FAM114A2: variants seen among roughly 807,000 people sequenced by gnomAD.
The protein encoded by FAM114A2 is protein FAM114A2.
In FAM114A2, 53 loss-of-function variants were observed where a neutral mutation model predicts 58.4. The observed-to-expected ratio is 0.91, with a 90% CI of 0.73 to 1.14. The LOEUF is 1.14. FAM114A2 is among the 50% of genes most tolerant of loss of function. FAM114A2 has a pLI of 0.00. For synonymous variants in FAM114A2, 228 were observed against 211.4 expected (o/e 1.08, Z -0.68); for missense variants, 601 against 581.1 (o/e 1.03, Z -0.35).
At chr5:154,025,250 T>C (rs1030517024) in intron 8 of FAM114A2, among the ~76,000 whole-genome samples, 11 of 151,782 alleles carry the variant, frequency 7.2e-5, no homozygotes, top group African/African-American at 2.7e-4. Context: ...AATTAATAAT[T>C]TTTACTGCTT....
chr5:154,023,500 G>A (rs535304133), intron 8 of FAM114A2, among the ~76,000 whole-genome samples: 15 of 152,192 alleles, frequency 9.9e-5, no homozygotes, highest in African/African-American at 3.4e-4. Flanking sequence ...GGATGCTATT[G>A]TTCTAAGTAA....
At chr5:154,031,294 AGAGT>A (rs1396875893) in intron 4 of FAM114A2, among the ~76,000 whole-genome samples, 1 of 85,470 alleles carries the variant, frequency 1.2e-5, no homozygotes, top group East Asian at 4.2e-4. Flanking sequence ...CCTGGGCGAC[AGAGT>A]GAGACTCCCT....
In FAM114A2 at chr5:154,034,929, T is replaced by C; in HGVS notation, c.25A>G (p.Thr9Ala). MSDKDDIE[T>A]PLLTEAAPIL... ...GGGGCTGCTTCAGTTAGCAGTGGAG[T>C]CTCAATATCATCTTTATCTGACATG... Residue 9 changes from threonine (T) to alanine (A), a missense_variant, in exon 2 of 14, where the codon ACT (threonine) becomes GCT (alanine). Thr to Ala is a moderately conservative substitution (Grantham distance 58). Transcript: ENST00000351797. The C allele has an allele frequency of 3.7e-6, 6 of 1,613,768 alleles. No homozygotes were observed. The highest frequency in any genetic ancestry group is 2.2e-5 in the East Asian group (1 of 44,868).
At chr5:154,038,766 C>T (rs1772785721) in intron 1 of FAM114A2, 91 bp downstream of exon 1, 1 of 152,582 alleles carries the variant, frequency 6.6e-6, no homozygotes, top group Non-Finnish European at 1.5e-5. Context: ...CGCCGCCCAC[C>T]GTCAGGTCAC....
chr5:154,031,015 T>C (rs1312763298), intron 4 of FAM114A2, among the ~76,000 whole-genome samples: 1 of 151,942 alleles, frequency 6.6e-6, no homozygotes, highest in Non-Finnish European at 1.5e-5. Context: ...CTAAACAAGC[T>C]TTACAAAAAG....
intron 7 of FAM114A2, 28 bp from the exon 8 acceptor site, chr5:154,026,550 T>C (rs1771786884): frequency 2.1e-6 from 3 of 1,416,666 alleles, no homozygotes; most frequent in African/African-American, 3.0e-5. Context: ...CAAAATGTTG[T>C]AGGAGTATGA....
chr5:153,994,821 T>A, intron 13 of FAM114A2, 98 bp downstream of exon 13: 3 of 740,370 alleles, frequency 4.1e-6, no homozygotes, highest in Admixed American at 4.1e-5. Flanking sequence ...AAACTACCAA[T>A]ATGGTGAATA....
chr5:153,994,952 G>A lies in FAM114A2; in HGVS notation c.1350C>T (p.Val450=). 2.5e-6 allele frequency: 4 copies of A among 1,609,638 alleles called. No homozygotes were observed. Among genetic ancestry groups the A allele is most frequent in the South Asian group, 2.2e-5 (2 of 90,958 alleles). ...TTAGVKEMAD[V]LNPLITAVFL... ...ATACTGCAGTGATTAATGGGTTAAG[G>A]ACATCTGCCATTTCTTTGACCTGGA... is the stretch of plus-strand genomic sequence containing the variant. Residue 450 remains valine, a synonymous_variant, in exon 13 of 14, where the codon GTC becomes GTT. Coordinates refer to ENST00000351797, the MANE Select transcript of FAM114A2 (RefSeq NM_018691.4).
intron 12 of FAM114A2, chr5:153,995,225 ATCT>A (rs1179487782): frequency 9.7e-5 from 32 of 331,080 alleles, no homozygotes; most frequent in Non-Finnish European, 1.1e-5. Flanking sequence ...TTTAAAAAGT[ATCT>A]TCATTTGACC....
chr5:154,029,022 C>A (rs577673393), intron 5 of FAM114A2, among the ~76,000 whole-genome samples: 166 of 152,248 alleles, frequency 1.1e-3, no homozygotes, highest in Non-Finnish European at 1.9e-3. Flanking sequence ...TTAAAAAAAA[C>A]TAGCTATCTA....
At chr5:154,010,448 A>G (rs35183405) in intron 9 of FAM114A2, among the ~76,000 whole-genome samples, 1 of 152,204 alleles carries the variant, frequency 6.6e-6, no homozygotes, top group African/African-American at 2.4e-5. Flanking sequence ...AGAGTGGGAT[A>G]ACACACCAAA....
At chr5:154,031,418 A>G (rs1772192636) in intron 4 of FAM114A2, among the ~76,000 whole-genome samples, 1 of 152,086 alleles carries the variant, frequency 6.6e-6, no homozygotes, top group Non-Finnish European at 1.5e-5. Context: ...GGAAGAAAAC[A>G]AAATCCCTAA....
chr5:154,036,612 T>C (rs1283980415), intron 1 of FAM114A2: 1 of 151,818 alleles, frequency 6.6e-6, no homozygotes, highest in Non-Finnish European at 1.5e-5. Context: ...CTGCATTCAG[T>C]CCAACACACA....
chr5:154,031,810 T>G (rs1275575385), intron 4 of FAM114A2, among the ~76,000 whole-genome samples: 1 of 152,218 alleles, frequency 6.6e-6, no homozygotes, highest in Non-Finnish European at 1.5e-5. Flanking sequence ...CTTGTAAGAC[T>G]TTAATTCTAG....
intron 8 of FAM114A2, 164 bp downstream of exon 8, chr5:154,026,235 T>C: frequency 2.3e-6 from 1 of 439,420 alleles, no homozygotes; most frequent in Non-Finnish European, 3.8e-6. Context: ...CCTAGTCAGG[T>C]GCAAGGCTGC....
intron 12 of FAM114A2, chr5:153,995,379 C>A (rs932457750): frequency 6.5e-6 from 1 of 154,648 alleles, no homozygotes; most frequent in African/African-American, 2.4e-5. Flanking sequence ...GTGTCAGCAT[C>A]TTATAGTTGA....
chr5:154,028,133 TAAGGATAATC>T lies in FAM114A2; in HGVS notation c.630+6_630+15del, dbSNP rs770821931. The stretch of plus-strand genomic sequence containing the variant: ...AAAACAGAAACAGGAAGTAAACAGG[TAAGGATAATC>T]AGTACCTGAGATAGTGTAGCATTTC... On this transcript the variant is annotated splice_donor_region_variant and intron_variant, in intron 6 of 13. Coordinates refer to ENST00000351797, the MANE Select transcript of FAM114A2 (RefSeq NM_018691.4). 1.3e-6 allele frequency: 2 copies of T among 1,596,616 alleles called. No homozygotes were observed. The highest frequency in any genetic ancestry group is 1.7e-6 in the Non-Finnish European group (2 of 1,171,428).
In FAM114A2 at chr5:153,993,435, A is replaced by G. The variant is rs1769360443; in HGVS notation, c.1384-325T>C. The stretch of plus-strand genomic sequence containing the variant: ...ATTGAGTAGGGTAGATTCTGTCACA[A>G]TATTGTGGTCAATTACTGAAAGAGG... On this transcript the variant is annotated intron_variant, in intron 13 of 13. Transcript: ENST00000351797. 2.6e-5 allele frequency among the ~76,000 whole-genome samples: 4 copies of G among 152,280 alleles called. No individual in the cohort carries two copies. The Middle Eastern group carries it at 0.014, about 518-fold the overall frequency.
chr5:154,007,746 G>T (rs1770448017), intron 9 of FAM114A2, among the ~76,000 whole-genome samples: 1 of 152,096 alleles, frequency 6.6e-6, no homozygotes, highest in Admixed American at 6.5e-5. Flanking sequence ...TATATTTATT[G>T]AACAGCTACA....
Sources: gnomAD v4.1 joint callset for allele counts (sites outside exome capture counted in the v4.1 genomes callset) on GRCh38, gnomAD v4.1.1 for gene constraint, MANE v1.5 for transcripts, NCBI Gene and HGNC (gene_info 2026-07-23, HGNC 2026-07-21) for gene names.